The following TFB2M variants were observed in gnomAD, a reference collection of about 807,000 sequenced individuals.
The protein encoded by TFB2M is transcription factor B2, mitochondrial, also known as dimethyladenosine transferase 2, mitochondrial.
In TFB2M, 44 loss-of-function variants were observed where a neutral mutation model predicts 41.3. That is an observed-to-expected ratio of 1.07 (90% CI 0.84 to 1.37). The LOEUF (loss-of-function observed/expected upper bound fraction) is 1.37. TFB2M is among the 40% of genes most tolerant of loss of function. The probability of loss-of-function intolerance (pLI) is 0.00; values close to 1 mark genes in which losing one functional copy is unlikely to be tolerated. For missense variants in TFB2M, 496 were observed against 490.2 expected (o/e 1.01, Z -0.11); for synonymous variants, 188 against 176.8 (o/e 1.06, Z -0.50).
chr1:246,549,299 C>T (rs1320191784), intron 5 of TFB2M, among the ~76,000 whole-genome samples: 4 of 152,130 alleles, frequency 2.6e-5, no homozygotes, highest in Admixed American at 6.5e-5. Context: ...AGAGATGATC[C>T]GGTCAGGCAC....
intron 6 of TFB2M, among the ~76,000 whole-genome samples, chr1:246,545,017 G>C (rs183382461): frequency 0.025 from 3,805 of 151,772 alleles, 68 homozygotes; most frequent in Non-Finnish European, 0.039. Context: ...GTGTTAGCCA[G>C]GATGGTCTCG....
intron 6 of TFB2M, among the ~76,000 whole-genome samples, 187 bp downstream of exon 6, chr1:246,548,358 G>T (rs1659079296): frequency 6.6e-6 from 1 of 151,908 alleles, no homozygotes; most frequent in Admixed American, 6.5e-5. Flanking sequence ...AGCATCCATT[G>T]TATAACAGCT....
At chr1:246,552,493 A>G in intron 4 of TFB2M, among the ~76,000 whole-genome samples, 1 of 150,496 alleles carries the variant, frequency 6.6e-6, no homozygotes, top group East Asian at 2.0e-4. Flanking sequence ...TCACTTGAAG[A>G]CAGGAGTTCA....
chr1:246,557,463 A>G lies in TFB2M; in HGVS notation c.474T>C (p.Ser158=). The G allele has an allele frequency of 6.2e-7, 1 of 1,613,634 alleles. No homozygotes were observed. The change falls in exon 3 of 8, where the codon AGT becomes AGC. Residue 158 remains serine (S), a synonymous_variant. Coordinates refer to ENST00000366514, the MANE Select transcript of TFB2M (RefSeq NM_022366.3). ...HCDFFKLDPR[S]GGVIKPPAMS... ...TAGCAGGTGGTTTTATTACTCCACC[A>G]CTTCTAGGATCTAGTTTAAAGAAGT...
intron 4 of TFB2M, 92 bp from the exon 5 acceptor site, chr1:246,551,394 T>C: frequency 1.2e-6 from 1 of 867,994 alleles, no homozygotes; most frequent in Non-Finnish European, 1.8e-6. Flanking sequence ...CTTAATGGCA[T>C]CTAGACATTT....
At chr1:246,553,284 T>TTGCATTTTTA (rs1262632150) in intron 4 of TFB2M, among the ~76,000 whole-genome samples, 1 of 152,078 alleles carries the variant, frequency 6.6e-6, no homozygotes, top group Non-Finnish European at 1.5e-5. Context: ...CAAAAATCAG[T>TTGCATTTTTA]TGCATTTTTA....
At chr1:246,551,627 T>C (rs918058257) in intron 4 of TFB2M, among the ~76,000 whole-genome samples, 3 of 102,866 alleles carry the variant, frequency 2.9e-5, no homozygotes, top group Non-Finnish European at 6.0e-5. Context: ...GAGGCCAAGG[T>C]GGGAGGATGC....
At position 246,565,925 on chromosome 1, in the gene TFB2M, T is replaced by C; in HGVS notation, c.214A>G (p.Lys72Glu). Residue 72 changes from lysine (K) to glutamate (E), a missense_variant, in exon 1 of 8, where the codon AAG becomes GAG. Transcript: ENST00000366514. ...RKASKASLDF[K>E]RYVTDRRLAE... ...AATCTCCGATCGGTTACGTAACGCT[T>C]AAAGTCTAAGCTGGCCTTAGACGCC... 6.2e-7 allele frequency: 1 copy of C among 1,614,154 alleles called. No homozygotes were observed. The highest frequency in any genetic ancestry group is 8.5e-7 in the Non-Finnish European group (1 of 1,180,010).
intron 7 of TFB2M, among the ~76,000 whole-genome samples, chr1:246,541,833 A>T (rs1425523529): frequency 2.0e-5 from 3 of 152,216 alleles, no homozygotes; most frequent in African/African-American, 7.2e-5. Flanking sequence ...ACAAAGAGGG[A>T]ATCATTTTTC....
chr1:246,555,200 T>C (rs1025773352), intron 4 of TFB2M, among the ~76,000 whole-genome samples: 1 of 152,194 alleles, frequency 6.6e-6, no homozygotes, highest in African/African-American at 2.4e-5. Flanking sequence ...CTCTCAGTAA[T>C]GCTGTGGAGA....
At chr1:246,543,645 C>T (rs1170206372) in intron 7 of TFB2M, among the ~76,000 whole-genome samples, 1 of 152,122 alleles carries the variant, frequency 6.6e-6, no homozygotes, top group Non-Finnish European at 1.5e-5. Flanking sequence ...ATACAAATTA[C>T]ATGGATGGCC....
At chr1:246,545,285 C>T (rs552197834) in intron 6 of TFB2M, among the ~76,000 whole-genome samples, 1 of 152,134 alleles carries the variant, frequency 6.6e-6, no homozygotes, top group African/African-American at 2.4e-5. Flanking sequence ...GATCCCAGCA[C>T]TTTGGGAGGC....
At chr1:246,561,588 C>T (rs1426512726) in intron 2 of TFB2M, among the ~76,000 whole-genome samples, 1 of 152,186 alleles carries the variant, frequency 6.6e-6, no homozygotes, top group Non-Finnish European at 1.5e-5. Context: ...CTGCCTCAGC[C>T]TCCCAAGTAA....
intron 2 of TFB2M, 82 bp downstream of exon 2, chr1:246,564,264 C>G: frequency 8.4e-7 from 1 of 1,189,116 alleles, no homozygotes; most frequent in Non-Finnish European, 1.2e-6. Flanking sequence ...ATGTAAAACA[C>G]TGTGTGCTTA....
chr1:246,546,633 A>T (rs1379226556), intron 6 of TFB2M, among the ~76,000 whole-genome samples: 1 of 136,218 alleles, frequency 7.3e-6, no homozygotes, highest in Admixed American at 7.2e-5. Context: ...AATAAATAAA[A>T]AATAAAAAAA....
chr1:246,543,864 C>T (rs3124117), intron 7 of TFB2M, among the ~76,000 whole-genome samples: 34,301 of 149,296 alleles, frequency 0.23, 4,481 homozygotes, highest in Middle Eastern at 0.44. Context: ...GTGGTGCATG[C>T]TTGTAGTCCC....
In TFB2M at chr1:246,564,421, C is replaced by G; in HGVS notation, c.327G>C (p.Leu109=). Residue 109 remains leucine, a synonymous_variant, in exon 2 of 8, where the codon CTG becomes CTC. Coordinates refer to ENST00000366514, the MANE Select transcript of TFB2M (RefSeq NM_022366.3). ...LLECNPGPGI[L]TQALLEAGAK... ...CACCAGCTTCAAGTAATGCCTGAGTCAGGATTCCAGGACCTGGCACATTAA... is the reference window on the plus strand; with the variant it reads ...CACCAGCTTCAAGTAATGCCTGAGTGAGGATTCCAGGACCTGGCACATTAA... 2 of 1,614,102 alleles carry G rather than the reference C, an allele frequency of 1.2e-6. No individual in the cohort carries two copies. Among genetic ancestry groups the G allele is most frequent in the Non-Finnish European group, 1.7e-6 (2 of 1,179,984 alleles).
In TFB2M at chr1:246,564,414, C is replaced by T. The variant is rs772156827; in HGVS notation, c.334G>A (p.Ala112Thr). Reference protein sequence around the residue: ...CNPGPGILTQALLEAGAKVVA... With the variant: ...CNPGPGILTQTLLEAGAKVVA... ...ACTTTGGCACCAGCTTCAAGTAATG[C>T]CTGAGTCAGGATTCCAGGACCTGGC... The change falls in exon 2 of 8, where the codon GCA (alanine) becomes ACA (threonine). Residue 112 changes from alanine (A) to threonine (T), a missense_variant. By Grantham distance (58) the Ala-to-Thr change is moderately conservative. Transcript: ENST00000366514. 8.7e-6 allele frequency: 14 copies of T among 1,614,096 alleles called. No homozygotes were observed. The highest frequency in any genetic ancestry group is 1.2e-5 in the Non-Finnish European group (14 of 1,179,988).
intron 5 of TFB2M, among the ~76,000 whole-genome samples, chr1:246,549,514 G>A (rs901498079): frequency 2.0e-5 from 3 of 152,252 alleles, no homozygotes; most frequent in Middle Eastern, 3.4e-3. Flanking sequence ...CCTGGGAGGC[G>A]GAGGTTGCAG....
Sources: allele counts gnomAD v4.1 joint callset (sites outside exome capture counted in the v4.1 genomes callset), GRCh38; gene constraint gnomAD v4.1.1; transcripts MANE v1.5; gene names NCBI Gene and HGNC (gene_info 2026-07-23, HGNC 2026-07-21).